Variants in SYT2 observed in about 807,000 individuals in gnomAD.
SYT2 encodes synaptotagmin-2.
SYT2 carries 15 observed loss-of-function variants against 39.9 expected under a neutral mutation model. That is an observed-to-expected ratio of 0.38 (90% CI 0.25 to 0.58). SYT2 has a LOEUF of 0.58. Ranked by LOEUF, SYT2 falls within the 20% of genes least tolerant of loss-of-function variation. The pLI is 0.70. For synonymous variants in SYT2, 181 were observed against 204.5 expected, an observed-to-expected ratio of 0.89 and a Z score of 0.98; for missense variants, 389 against 530.3, an observed-to-expected ratio of 0.73 and a Z score of 2.62.
At chr1:202,685,386 T>G (rs1442603072) in intron 1 of SYT2, among the ~76,000 whole-genome samples, 1 of 152,106 alleles carries the variant, frequency 6.6e-6, no homozygotes, top group Non-Finnish European at 1.5e-5. Flanking sequence ...ATGTGGAGAA[T>G]CAGTTGAGTT....
At chr1:202,603,542 A>G (rs1398047885) in intron 3 of SYT2, among the ~76,000 whole-genome samples, 3 of 152,174 alleles carry the variant, frequency 2.0e-5, no homozygotes, top group African/African-American at 7.2e-5. Context: ...GTCCAGGCAG[A>G]CAGGAGCAGA....
At chr1:202,639,024 T>G (rs1691826701) in intron 1 of SYT2, among the ~76,000 whole-genome samples, 1 of 152,136 alleles carries the variant, frequency 6.6e-6, no homozygotes, top group African/African-American at 2.4e-5. Flanking sequence ...CTGTCCTCCC[T>G]CCCTTCCCCA....
chr1:202,603,109 C>T lies in SYT2; in HGVS notation c.355G>A (p.Asp119Asn), dbSNP rs138854819. 25 of 1,613,974 alleles carry T rather than the reference C, an allele frequency of 1.5e-5. No individual in the cohort carries two copies. The highest frequency in any genetic ancestry group is 3.3e-5 in the South Asian group (3 of 91,086). Residue 119 changes from aspartate to asparagine, a missense_variant, in exon 4 of 9, where the codon GAC becomes AAC. Asp to Asn is a conservative substitution (Grantham distance 23). Around this residue, in one of 4 missense-constraint regions of SYT2, gnomAD observed 280 missense variants for 335.6 expected, o/e 0.83. Transcript: ENST00000367268. ...KDMKGGQDDD[D>N]AETGLTEGEG... ...CCCTCAGTCAGGCCTGTCTCTGCGT[C>T]GTCGTCATCCTGTGGGAGCTGGGGG...
intron 1 of SYT2, among the ~76,000 whole-genome samples, chr1:202,643,751 G>T (rs1692002959): frequency 1.3e-5 from 2 of 152,014 alleles, no homozygotes; most frequent in Admixed American, 1.3e-4. Context: ...GTTTAAACTG[G>T]CGCGGTCCTA....
intron 1 of SYT2, chr1:202,639,901 T>G: frequency 3.2e-6 from 3 of 935,588 alleles, no homozygotes; most frequent in Non-Finnish European, 3.8e-6. Context: ...TCCTGTAATT[T>G]GAGCCCTCTC....
chr1:202,629,198 G>A (rs1211772884), intron 1 of SYT2, among the ~76,000 whole-genome samples: 1 of 152,006 alleles, frequency 6.6e-6, no homozygotes, highest in Non-Finnish European at 1.5e-5. Context: ...TTAATAAATG[G>A]TCCTCCTTCT....
chr1:202,603,435 G>C (rs1041610946), intron 3 of SYT2, among the ~76,000 whole-genome samples: 1 of 152,210 alleles, frequency 6.6e-6, no homozygotes, highest in South Asian at 2.1e-4. Flanking sequence ...CTAGGGGCTG[G>C]TGTGGGGGTA....
At chr1:202,604,704 G>A (rs1180165675) in intron 2 of SYT2, 83 bp from the exon 3 acceptor site, 4 of 1,377,594 alleles carry the variant, frequency 2.9e-6, no homozygotes, top group South Asian at 1.4e-5. Context: ...AAATGGGTGA[G>A]GAATATGACT....
Position 202,600,427 on chromosome 1 carries a change from C to A in SYT2, c.849G>T (p.Thr283=), listed in dbSNP as rs907699. 1.2e-6 allele frequency: 2 copies of A among 1,614,126 alleles called. No homozygotes were observed. The highest frequency in any genetic ancestry group is 1.1e-5 in the South Asian group (1 of 91,088). ...DICTSLRYVP[T]AGKLTVCILE... is the part of the protein sequence containing the mutation. ...GGATGCAGACAGTGAGCTTCCCGGCCGTGGGCACATAGCGCAGGGAGGTGC... is the reference window on the plus strand; with the variant it reads ...GGATGCAGACAGTGAGCTTCCCGGCAGTGGGCACATAGCGCAGGGAGGTGC... Residue 283 remains threonine (T), a synonymous_variant, in exon 7 of 9, where the codon ACG becomes ACT. Transcript: ENST00000367268.
chr1:202,641,804 C>T (rs1450232783), intron 1 of SYT2, among the ~76,000 whole-genome samples: 1 of 152,242 alleles, frequency 6.6e-6, no homozygotes, highest in East Asian at 1.9e-4. Context: ...AACCTATAGT[C>T]ATCTGTCTGT....
chr1:202,660,410 GT>G (rs1396165410), intron 1 of SYT2, among the ~76,000 whole-genome samples: 1 of 152,162 alleles, frequency 6.6e-6, no homozygotes, highest in African/African-American at 2.4e-5. Context: ...TACAACTTCT[GT>G]TACCGCTACT....
intron 1 of SYT2, among the ~76,000 whole-genome samples, chr1:202,674,462 A>T (rs1653295276): frequency 6.6e-6 from 1 of 152,190 alleles, no homozygotes; most frequent in Non-Finnish European, 1.5e-5. Context: ...GCATATGAAC[A>T]TCTGTGTGGA....
Position 202,601,947 on chromosome 1 carries a change from C to A in SYT2, c.744G>T (p.Val248=). The change falls in exon 6 of 9, where the codon GTG becomes GTT. Residue 248 remains valine, a synonymous_variant. Transcript: ENST00000367268. The surrounding 1 kb of genome is among the most constrained non-coding windows in gnomAD (Gnocchi z 4.0). ...ACTCCTCAATGGGCTGGCCGAGGTC[C>A]ACTGTGTTCATAGGCACCTTTACCT... ...IGEVKVPMNT[V]DLGQPIEEWR... The A allele has an allele frequency of 6.2e-7, 1 of 1,614,196 alleles. No homozygotes were observed.
intron 2 of SYT2, 44 bp downstream of exon 2, chr1:202,605,551 G>T (rs866360555): frequency 3.2e-6 from 5 of 1,577,558 alleles, no homozygotes; most frequent in Non-Finnish European, 3.5e-6. Context: ...ACCTCTCCCA[G>T]ACTCTAGCCT....
At chr1:202,684,986 G>C (rs1197263777) in intron 1 of SYT2, among the ~76,000 whole-genome samples, 1 of 152,158 alleles carries the variant, frequency 6.6e-6, no homozygotes, top group African/African-American at 2.4e-5. Context: ...GGACAGGGTT[G>C]GGGGAGTGAC....
chr1:202,701,525 G>A (rs1173467785), intron 1 of SYT2, among the ~76,000 whole-genome samples: 1 of 152,206 alleles, frequency 6.6e-6, no homozygotes, highest in African/African-American at 2.4e-5. Flanking sequence ...TTCATGAAAA[G>A]AAGACATTCT....
At chr1:202,636,260 G>A (rs1691737612) in intron 1 of SYT2, among the ~76,000 whole-genome samples, 1 of 152,166 alleles carries the variant, frequency 6.6e-6, no homozygotes, top group African/African-American at 2.4e-5. Context: ...GCCAGATTCA[G>A]CCCAGAGCCA....
chr1:202,651,112 C>T (rs1476825158), intron 1 of SYT2, among the ~76,000 whole-genome samples: 6 of 152,004 alleles, frequency 3.9e-5, no homozygotes, highest in Admixed American at 1.3e-4. Context: ...AGGGAGCTGG[C>T]AGGAGGCAAT....
chr1:202,685,306 A>C (rs1653634313), intron 1 of SYT2, among the ~76,000 whole-genome samples: 1 of 152,094 alleles, frequency 6.6e-6, no homozygotes, highest in African/African-American at 2.4e-5. Flanking sequence ...AGTGCCCCCC[A>C]CCACCACCTG....
Sources: allele counts gnomAD v4.1 joint callset (sites outside exome capture counted in the v4.1 genomes callset), GRCh38; gene constraint gnomAD v4.1.1; regional missense constraint gnomAD v4.1.1; non-coding constraint Gnocchi (gnomAD v3.1); transcripts MANE v1.5; gene names NCBI Gene and HGNC (gene_info 2026-07-23, HGNC 2026-07-21).